ARHGAP21: variants seen among roughly 807,000 people sequenced by gnomAD.
ARHGAP21 encodes the protein rho GTPase-activating protein 21.
Under a neutral mutation model 164.6 loss-of-function variants are expected in ARHGAP21, and 38 were observed. That is an observed-to-expected ratio of 0.23 (90% CI 0.18 to 0.30). The LOEUF (loss-of-function observed/expected upper bound fraction) is 0.30, where lower values mean the gene tolerates loss of function less well. Ranked by LOEUF, ARHGAP21 falls within the 10% of genes least tolerant of loss-of-function variation. The pLI is 1.00. For synonymous variants in ARHGAP21, 766 were observed against 857.9 expected (o/e 0.89, Z 1.87); for missense variants, 1,822 against 2,370.7 (o/e 0.77, Z 4.81).
At chr10:24,640,280 A>G (rs1380181650) in intron 4 of ARHGAP21, 4 of 150,822 alleles carry the variant, frequency 2.7e-5, no homozygotes, top group Non-Finnish European at 5.9e-5. Context: ...CAGGTGCTAT[A>G]GGCTTTAAAA....
rs1385726766 is a variant in ARHGAP21 at position 24,620,488 on chromosome 10, C to T, written c.1407G>A (p.Met469Ile). The change falls in exon 9 of 26, where the codon ATG becomes ATA. Residue 469 changes from methionine (M) to isoleucine (I), a missense_variant. Met to Ile is a conservative substitution (Grantham distance 10). Transcript: ENST00000396432. ...GAGATGCACTTCTTGGACAATACTT[C>T]ATTAGCACAGAATCTTCCAGTCTTT... ...SQERLEDSVL[M>I]KYCPRSASQG... 6.2e-7 allele frequency: 1 copy of T among 1,611,838 alleles called. No individual in the cohort carries two copies. Among genetic ancestry groups the T allele is most frequent in the Non-Finnish European group, 8.5e-7 (1 of 1,178,390 alleles).
chr10:24,628,973 TATATATATA>T (rs1288571470), intron 7 of ARHGAP21: 29 of 20,200 alleles, frequency 1.4e-3, no homozygotes, highest in East Asian at 2.2e-3. Context: ...TATATATATA[TATATATATA>T]TTTTTTTTTT....
intron 24 of ARHGAP21, chr10:24,589,606 C>T: frequency 6.4e-6 from 2 of 311,148 alleles, no homozygotes; most frequent in Non-Finnish European, 1.2e-5. Flanking sequence ...TTAAATCTAG[C>T]AATAAAGAAG....
chr10:24,599,795 C>T (rs183924934), intron 14 of ARHGAP21, among the ~76,000 whole-genome samples: 27 of 152,206 alleles, frequency 1.8e-4, no homozygotes, highest in African/African-American at 5.8e-4. Context: ...CCTTGATGAT[C>T]ATAAGCTGTA....
At chr10:24,638,742 G>C (rs567290589) in intron 4 of ARHGAP21, among the ~76,000 whole-genome samples, 71 of 152,254 alleles carry the variant, frequency 4.7e-4, no homozygotes, top group Non-Finnish European at 7.1e-4. Flanking sequence ...AAGAGAGTGT[G>C]CCTTTTTGGC....
chr10:24,684,057 TG>T (rs1159200859), intron 2 of ARHGAP21, among the ~76,000 whole-genome samples: 19 of 152,264 alleles, frequency 1.2e-4, no homozygotes, highest in Admixed American at 2.6e-4. Context: ...GAGGCCAAGG[TG>T]GGCGGATCGC....
chr10:24,717,719 T>C (rs1205223313), intron 2 of ARHGAP21, among the ~76,000 whole-genome samples: 1 of 152,146 alleles, frequency 6.6e-6, no homozygotes, highest in Non-Finnish European at 1.5e-5. Flanking sequence ...CTGAATTTTA[T>C]TTCAAAGGAA....
At chr10:24,709,331 T>C (rs1844547478) in intron 2 of ARHGAP21, among the ~76,000 whole-genome samples, 1 of 152,050 alleles carries the variant, frequency 6.6e-6, no homozygotes, top group Non-Finnish European at 1.5e-5. Context: ...CTATCAAACA[T>C]ACAAAGAACT....
intron 4 of ARHGAP21, among the ~76,000 whole-genome samples, chr10:24,641,250 A>G (rs1253553940): frequency 3.3e-5 from 5 of 152,230 alleles, no homozygotes; most frequent in Non-Finnish European, 5.9e-5. Flanking sequence ...CATTAAGCAG[A>G]ATCCAATTTA....
At chr10:24,711,241 A>T (rs898619167) in intron 2 of ARHGAP21, among the ~76,000 whole-genome samples, 8 of 152,112 alleles carry the variant, frequency 5.3e-5, no homozygotes, top group African/African-American at 1.9e-4. Flanking sequence ...ATATCTAACA[A>T]CTGATACTAT....
intron 21 of ARHGAP21, among the ~76,000 whole-genome samples, chr10:24,593,909 C>CA (rs1354291767): frequency 1.3e-5 from 2 of 151,780 alleles, no homozygotes; most frequent in Admixed American, 6.6e-5. Flanking sequence ...GTAGCCCTAT[C>CA]AATCACTATG....
chr10:24,589,344 T>G (rs774204952), intron 24 of ARHGAP21, 42 bp from the exon 25 acceptor site: 1 of 1,548,816 alleles, frequency 6.5e-7, no homozygotes, highest in East Asian at 2.3e-5. Context: ...TTAGCCAATC[T>G]TTACTGCTTT....
rs751043298 is a variant in ARHGAP21, at chr10:24,595,053, T to G, written c.3787-14A>C. On this transcript the variant is annotated splice_polypyrimidine_tract_variant and intron_variant, in intron 20 of 25. Coordinates refer to ENST00000396432, the MANE Select transcript of ARHGAP21 (RefSeq NM_020824.4). ...CAAATCGTGAATCTGAAACAGATTA[T>G]TTTCACAATGGATTCAGAGGCTGAA... 7 of 1,610,028 alleles carry G rather than the reference T, an allele frequency of 4.3e-6. No homozygotes were observed. The highest frequency in any genetic ancestry group is 1.3e-5 in the African/African-American group (1 of 74,874).
At chr10:24,667,693 C>T (rs1016749382) in intron 3 of ARHGAP21, among the ~76,000 whole-genome samples, 22 of 151,952 alleles carry the variant, frequency 1.4e-4, no homozygotes, top group East Asian at 3.9e-4. Flanking sequence ...GAAAAACAGA[C>T]GTTCGGTGAA....
chr10:24,632,745 G>A (rs1835963601), intron 6 of ARHGAP21, among the ~76,000 whole-genome samples: 3 of 152,176 alleles, frequency 2.0e-5, no homozygotes, highest in Non-Finnish European at 4.4e-5. Context: ...GATCCGACTA[G>A]GCTCAGATCC....
intron 2 of ARHGAP21, among the ~76,000 whole-genome samples, chr10:24,691,949 A>T (rs1842792401): frequency 6.6e-6 from 1 of 152,262 alleles, no homozygotes; most frequent in African/African-American, 2.4e-5. Context: ...CACAAAAAAT[A>T]GAAATCCAAT....
intron 2 of ARHGAP21, among the ~76,000 whole-genome samples, chr10:24,679,821 T>C (rs1841602228): frequency 6.6e-6 from 1 of 152,228 alleles, no homozygotes; most frequent in African/African-American, 2.4e-5. Context: ...TCAGGGTACA[T>C]GTGCACAACG....
chr10:24,690,855 C>T (rs558965712), intron 2 of ARHGAP21, among the ~76,000 whole-genome samples: 796 of 148,962 alleles, frequency 5.3e-3, no homozygotes, highest in Non-Finnish European at 7.0e-3. Context: ...TATATATATA[C>T]ACATATATAT....
chr10:24,618,300 G>C (rs1351860069), intron 9 of ARHGAP21, among the ~76,000 whole-genome samples: 2 of 152,082 alleles, frequency 1.3e-5, no homozygotes, highest in East Asian at 3.9e-4. Context: ...AGTGTTCTAG[G>C]CATTAGGGAC....
Sources: gnomAD v4.1 joint callset for allele counts (sites outside exome capture counted in the v4.1 genomes callset) on GRCh38, gnomAD v4.1.1 for gene constraint, MANE v1.5 for transcripts, NCBI Gene and HGNC (gene_info 2026-07-23, HGNC 2026-07-21) for gene names.